MUC6: variants seen among roughly 807,000 people sequenced by gnomAD.
MUC6 encodes mucin-6.
Under a neutral mutation model 201.5 loss-of-function variants are expected in MUC6, and 188 were observed. The ratio of observed to expected loss-of-function variants is 0.93; its 90% confidence interval spans 0.83 to 1.05. The LOEUF is 1.05. Ranked by LOEUF, MUC6 falls within the 50% of genes least tolerant of loss-of-function variation. The pLI is 0.00. For missense variants in MUC6, 2,706 were observed against 3,256.9 expected, an observed-to-expected ratio of 0.83 and a Z score of 4.12; for synonymous variants, 1,228 against 1,389.4, an observed-to-expected ratio of 0.88 and a Z score of 2.58.
chr11:1,023,414 G>T, intron 26 of MUC6, 95 bp downstream of exon 26: 1 of 1,406,836 alleles, frequency 7.1e-7, no homozygotes, highest in Non-Finnish European at 9.6e-7. Flanking sequence ...ATGAATGAAT[G>T]TGTGAATGAA....
intron 8 of MUC6, 139 bp downstream of exon 8, chr11:1,030,074 G>A: frequency 8.8e-7 from 1 of 1,141,298 alleles, no homozygotes; most frequent in Non-Finnish European, 1.2e-6. Flanking sequence ...CTGTCCCAGG[G>A]CAAGAGGCGC....
At position 1,028,353 on chromosome 11, in the gene MUC6, A is replaced by G. The variant is rs559427142; in HGVS notation, c.1626T>C (p.Asp542=). The G allele has an allele frequency of 3.1e-6, 5 of 1,612,662 alleles. 1 individual carries two copies. In the African/African-American group the frequency reaches 5.3e-5, roughly 17 times the overall value. Residue 542 remains aspartate, a synonymous_variant, in exon 14 of 33, where the codon GAT becomes GAC. Coordinates refer to ENST00000421673, the MANE Select transcript of MUC6 (RefSeq NM_005961.3). ...LCGNFNGDTT[D]DFTTSMGIAE... is the part of the protein sequence containing the mutation. The stretch of plus-strand genomic sequence containing the variant: ...CGATACCCATGCTAGTGGTGAAGTC[A>G]TCCGTTGTGTCCCCGTTGAAGTTGC...
Position 1,033,861 on chromosome 11 carries a change from C to T in MUC6, c.53-786G>A, listed in dbSNP as rs1346155982. 2.0e-5 allele frequency among the ~76,000 whole-genome samples: 3 copies of T among 152,056 alleles called. No individual in the cohort carries two copies. The highest frequency in any genetic ancestry group is 4.4e-5 in the Non-Finnish European group (3 of 67,968). ...CCGATGTCTGAGTGGTGGTGCGGCA[C>T]CTGAGCAGGACCCGTGACCTCTCCA... On this transcript the variant is annotated intron_variant, in intron 1 of 32. Transcript: ENST00000421673. This position sits in a 1 kb window ranked among gnomAD's most constrained non-coding sequence, Gnocchi z 5.6.
chr11:1,024,972 C>G lies in MUC6; in HGVS notation c.3097G>C (p.Glu1033Gln), dbSNP rs775344018. 2 of 1,613,048 alleles carry G rather than the reference C, an allele frequency of 1.2e-6. No homozygotes were observed. Among genetic ancestry groups the G allele is most frequent in the African/African-American group, 2.7e-5 (2 of 74,946 alleles). ...SELELVNSWKESPLCGDVSFV... is the reference protein window; with the variant it reads ...SELELVNSWKQSPLCGDVSFV... ...CTCACGTCCCCGCACAGCGGGCTCT[C>G]CTTCCACGAGTTCACCAACTCCAGC... is the stretch of plus-strand genomic sequence containing the variant. The change falls in exon 24 of 33, where the codon GAG becomes CAG. Residue 1033 changes from glutamate (E) to glutamine (Q), a missense_variant. Glu to Gln is a conservative substitution (Grantham distance 29). Transcript: ENST00000421673.
chr11:1,030,546 C>T, intron 7 of MUC6, 27 bp downstream of exon 7: 2 of 1,471,562 alleles, frequency 1.4e-6, no homozygotes, highest in Admixed American at 2.2e-5. Flanking sequence ...GCCTTCCTGC[C>T]CCTCCCTCTC....
rs1046684666 is a variant in MUC6, at chr11:1,014,600, G to A, written c.7040-599C>T. On this transcript the variant is annotated intron_variant, in intron 31 of 32. Coordinates refer to ENST00000421673, the MANE Select transcript of MUC6 (RefSeq NM_005961.3). ...CAGGCAGCACAGAGCAGGGTGGACC[G>A]ATGCAGGCAGTGGCAGCGTTGGCAT... Among the ~76,000 whole-genome samples, 6 of 152,314 alleles carry A rather than the reference G, an allele frequency of 3.9e-5. 1 individual carries two copies. Among genetic ancestry groups the A allele is most frequent in the African/African-American group, 9.6e-5 (4 of 41,570 alleles).
At position 1,013,638 on chromosome 11, in the gene MUC6, C is replaced by A; in HGVS notation, c.7143-5G>T. The A allele has an allele frequency of 6.4e-7, 1 of 1,557,770 alleles. No individual in the cohort carries two copies. The highest frequency in any genetic ancestry group is 8.7e-7 in the Non-Finnish European group (1 of 1,152,014). Reference sequence around the variant, plus strand: ...TGCTGGGTGATGATGTTGAAGCTGCCGAGAAGTCAAGACAGAGCAGGGTCA... The same window carrying A: ...TGCTGGGTGATGATGTTGAAGCTGCAGAGAAGTCAAGACAGAGCAGGGTCA... On this transcript the variant is annotated splice_region_variant and splice_polypyrimidine_tract_variant and intron_variant, in intron 32 of 32. Transcript: ENST00000421673.
chr11:1,029,697 C>T lies in MUC6; in HGVS notation c.1016-82G>A. 12 of 1,479,922 alleles carry T rather than the reference C, an allele frequency of 8.1e-6. No individual in the cohort carries two copies. The South Asian group carries it at 1.7e-4, about 21-fold the overall frequency. The allele number at this position is 1,479,922 out of a possible 1,614,324, so 91.7% of individuals were successfully genotyped here. ...CTCCCTGGCTCCAGGGAGACGCCCCCTCCAGCCTGGCTCCAGGGAGACGCC... is the reference window on the plus strand; with the variant it reads ...CTCCCTGGCTCCAGGGAGACGCCCCTTCCAGCCTGGCTCCAGGGAGACGCC... On this transcript the variant is annotated intron_variant, in intron 8 of 32. Transcript: ENST00000421673.
intron 7 of MUC6, 98 bp downstream of exon 7, chr11:1,030,475 A>G (rs1857075466): frequency 1.5e-5 from 22 of 1,431,176 alleles, no homozygotes; most frequent in Non-Finnish European, 2.0e-5. Flanking sequence ...TCAGACCAGG[A>G]GGGATGCAGG....
intron 9 of MUC6, 39 bp downstream of exon 9, chr11:1,029,456 C>T: frequency 1.9e-6 from 3 of 1,608,570 alleles, no homozygotes; most frequent in Non-Finnish European, 2.5e-6. Context: ...AGTGGAACCC[C>T]TGCCGGCCGG....
Position 1,027,362 on chromosome 11 carries a change from C to T in MUC6, c.2137G>A (p.Gly713Ser). ...CACTGGGCCTTGCGCACACACTCGC[C>T]CTTTTGGTTCAGGTAGGTGCCATCG... ...CPDGTYLNQK[G>S]ECVRKAQCPC... The change falls in exon 17 of 33, where the codon GGC (glycine) becomes AGC (serine). Residue 713 changes from glycine (G) to serine (S), a missense_variant. Transcript: ENST00000421673. The T allele has an allele frequency of 6.2e-7, 1 of 1,612,996 alleles. No individual in the cohort carries two copies. Among genetic ancestry groups the T allele is most frequent in the Non-Finnish European group, 8.5e-7 (1 of 1,179,848 alleles).
intron 2 of MUC6, 35 bp from the exon 3 acceptor site, chr11:1,032,088 C>T (rs563499425): frequency 3.7e-6 from 6 of 1,603,188 alleles, no homozygotes; most frequent in Non-Finnish European, 4.3e-6. Flanking sequence ...AGCCCTGTGT[C>T]CCCACCATCC....
chr11:1,024,331 G>T (rs1006014655), intron 24 of MUC6, among the ~76,000 whole-genome samples: 1 of 152,204 alleles, frequency 6.6e-6, no homozygotes, highest in South Asian at 2.1e-4. Context: ...CCCGCCATCG[G>T]GACCAAGATG....
chr11:1,029,028 G>A lies in MUC6; in HGVS notation c.1380+18C>T, dbSNP rs747157773. 3 of 1,612,658 alleles carry A rather than the reference G, an allele frequency of 1.9e-6. No homozygotes were observed. In the Middle Eastern group the frequency reaches 4.9e-4, roughly 266 times the overall value. On this transcript the variant is annotated intron_variant, in intron 11 of 32. Transcript: ENST00000421673. ...AGCGGAGCCCTGCTGGCAGGGATGG[G>A]CGCAGGAAAGGCCTTACCTGCCTGG...
chr11:1,034,990 G>A (rs889451001), intron 1 of MUC6, among the ~76,000 whole-genome samples: 4 of 152,340 alleles, frequency 2.6e-5, no homozygotes, highest in African/African-American at 7.2e-5. Flanking sequence ...TTGGCCAGGC[G>A]CATGGGCATC....
chr11:1,024,216 C>A, intron 24 of MUC6, 113 bp from the exon 25 acceptor site: 1 of 1,268,964 alleles, frequency 7.9e-7, no homozygotes, highest in Non-Finnish European at 1.1e-6. Context: ...GGTAAGGGCG[C>A]TGGGACTGGG....
rs753380098 is a variant in MUC6 at position 1,025,844 on chromosome 11, G to T, written c.2760C>A (p.Ser920=). The change falls in exon 22 of 33, where the codon TCC becomes TCA. Residue 920 remains serine, a synonymous_variant. Transcript: ENST00000421673. Reference sequence around the variant, plus strand: ...TGATGGCCCGTGAGCATGTGACCCCGGAGTTCCCACAGATGACGTTCTCTG... The same window carrying T: ...TGATGGCCCGTGAGCATGTGACCCCTGAGTTCCCACAGATGACGTTCTCTG... ...ILTENVICGN[S]GVTCSRAIKI... 1 of 1,612,932 alleles carries T rather than the reference G, an allele frequency of 6.2e-7. No individual in the cohort carries two copies. The highest frequency in any genetic ancestry group is 1.7e-5 in the Admixed American group (1 of 59,994).
chr11:1,013,435 G>A lies in MUC6; in HGVS notation c.*21C>T, dbSNP rs1205865180. 1.9e-6 allele frequency: 3 copies of A among 1,558,494 alleles called. No homozygotes were observed. The highest frequency in any genetic ancestry group is 3.8e-5 in the Admixed American group (2 of 52,458). On this transcript the variant is annotated 3_prime_UTR_variant, in exon 33 of 33. Transcript: ENST00000421673. ...TGTCATCTGCAGTCCTTCAGCCCCA[G>A]GAGAGCAGGCAGCGACCCTGCTAGT...
intron 31 of MUC6, among the ~76,000 whole-genome samples, chr11:1,015,205 C>T (rs1039891638): frequency 1.2e-5 from 1 of 82,258 alleles, no homozygotes; most frequent in Non-Finnish European, 2.4e-5. Flanking sequence ...GACTCGCTCA[C>T]AGGCATGGGC....
Sources: gnomAD v4.1 joint callset for allele counts (sites outside exome capture counted in the v4.1 genomes callset) on GRCh38, gnomAD v4.1.1 for gene constraint, Gnocchi (gnomAD v3.1) non-coding constraint, MANE v1.5 for transcripts, NCBI Gene and HGNC (gene_info 2026-07-23, HGNC 2026-07-21) for gene names.